The following FGF13 variants were observed in gnomAD, a reference collection of about 807,000 sequenced individuals.
FGF13 encodes the protein fibroblast growth factor homologous factor 2.
In FGF13, 2 loss-of-function variants were observed where a neutral mutation model predicts 19.5. The ratio of observed to expected loss-of-function variants is 0.10; its 90% CI spans 0.04 to 0.32. FGF13 has a LOEUF of 0.32. Ranked by LOEUF, FGF13 falls within the 10% of genes least tolerant of loss-of-function variation. The pLI is 1.00. For missense variants in FGF13, 113 were observed against 192.7 expected (o/e 0.59, Z 2.45); for synonymous variants, 72 against 76.9 (o/e 0.94, Z 0.33).
intron 3 of FGF13, among the ~76,000 whole-genome samples, chrX:138,842,974 A>C (rs1205733242): frequency 8.9e-6 from 1 of 111,948 alleles, no homozygotes; most frequent in African/African-American, 3.2e-5. Context: ...TTCTCATGAT[A>C]ATTTGGTGTA....
intron 3 of FGF13, among the ~76,000 whole-genome samples, chrX:138,797,273 C>G (rs185081381): frequency 0.014 from 1,602 of 111,208 alleles, 34 homozygotes; most frequent in African/African-American, 0.05. Context: ...TTTCTGGATA[C>G]GGCTAGCCAG....
chrX:139,131,765 T>C (rs1352634090), intron 1 of FGF13, among the ~76,000 whole-genome samples: 1 of 111,489 alleles, frequency 9.0e-6, no homozygotes, highest in Admixed American at 9.5e-5. Flanking sequence ...AGATCAACGT[T>C]GCTCTAGAAG....
intron 1 of FGF13, among the ~76,000 whole-genome samples, chrX:139,146,252 A>T (rs1415364942): frequency 7.1e-5 from 8 of 112,260 alleles, no homozygotes; most frequent in African/African-American, 2.3e-4. Flanking sequence ...GAATCTACAA[A>T]GAACTTAAAC....
intron 1 of FGF13, among the ~76,000 whole-genome samples, chrX:139,129,503 A>AT (rs1026919934): frequency 2.0e-4 from 22 of 110,907 alleles, no homozygotes; most frequent in African/African-American, 7.2e-4. Flanking sequence ...AGGAAGAGGC[A>AT]TTTTTTGTAA....
intron 3 of FGF13, among the ~76,000 whole-genome samples, chrX:138,811,978 T>G (rs1192062525): frequency 2.7e-5 from 3 of 110,357 alleles, no homozygotes; most frequent in Non-Finnish European, 5.7e-5. Context: ...GTTTTTAATG[T>G]GTTGACAAGG....
At chrX:138,828,469 C>G (rs2091049284) in intron 3 of FGF13, among the ~76,000 whole-genome samples, 1 of 108,646 alleles carries the variant, frequency 9.2e-6, no homozygotes, top group South Asian at 4.1e-4. Flanking sequence ...ACTCGAGAGG[C>G]TGAGGCGGGA....
At chrX:138,989,460 A>G (rs1279691004) in intron 1 of FGF13, among the ~76,000 whole-genome samples, 1 of 112,084 alleles carries the variant, frequency 8.9e-6, no homozygotes, top group East Asian at 2.8e-4. Flanking sequence ...AACTATTGTT[A>G]CTAATTTTTC....
At chrX:139,120,973 C>T (rs138465600) in intron 1 of FGF13, among the ~76,000 whole-genome samples, 86 of 112,486 alleles carry the variant, frequency 7.6e-4, no homozygotes, top group African/African-American at 2.5e-3. Context: ...ACCTCACTCG[C>T]GAATAATTTC....
chrX:138,653,949 G>A (rs538047012), intron 3 of FGF13, among the ~76,000 whole-genome samples: 4 of 111,849 alleles, frequency 3.6e-5, no homozygotes, highest in East Asian at 2.8e-4. Flanking sequence ...GGCAAATAGC[G>A]TCCCAGATTG....
intron 1 of FGF13, among the ~76,000 whole-genome samples, chrX:139,135,068 A>G (rs770021486): frequency 1.9e-4 from 21 of 112,467 alleles, no homozygotes; most frequent in Non-Finnish European, 3.2e-4. Flanking sequence ...TTCTTTTTAA[A>G]TTGTTAATTC....
At chrX:139,170,764 C>G (rs1201749122) in intron 1 of FGF13, among the ~76,000 whole-genome samples, 3 of 111,679 alleles carry the variant, frequency 2.7e-5, no homozygotes, top group Non-Finnish European at 5.6e-5. Flanking sequence ...CACTGCCTAG[C>G]TAATTCTCTG....
intron 1 of FGF13, among the ~76,000 whole-genome samples, chrX:139,070,908 G>A (rs1394886854): frequency 1.8e-5 from 2 of 111,053 alleles, no homozygotes; most frequent in Non-Finnish European, 3.8e-5. Flanking sequence ...AACACCACAT[G>A]TTCTCACTCA....
intron 1 of FGF13, among the ~76,000 whole-genome samples, chrX:138,953,142 G>A (rs766533393): frequency 0.028 from 3,048 of 110,358 alleles, 120 homozygotes; most frequent in African/African-American, 0.095. Context: ...TGTTTATTGC[G>A]GCACTATTCA....
rs2089039479 is a variant in FGF13 at position 138,624,394 on chromosome X, T to TTTA, written c.*8453_*8455dup. 8.9e-6 allele frequency: 1 copy of TTTA among 111,933 alleles called. No individual in the cohort carries two copies. The highest frequency in any genetic ancestry group is 1.9e-5 in the Non-Finnish European group (1 of 53,253). The allele number at this position is 111,933 out of a possible 1,213,427, so 9.2% of individuals were successfully genotyped here. A position where few individuals can be genotyped will look rare whatever the true frequency, so the allele number is the denominator to read the frequency against. ...AAATACAAAATAATGAAATTGGACC[T>TTTA]TTATCCTATACCATACACAAAAATC... On this transcript the variant is annotated 3_prime_UTR_variant, in exon 5 of 5. Transcript: ENST00000315930.
chrX:139,046,089 A>G (rs2092286342), intron 1 of FGF13, among the ~76,000 whole-genome samples: 1 of 111,773 alleles, frequency 8.9e-6, no homozygotes, highest in African/African-American at 3.3e-5. Context: ...TAATTGGCTC[A>G]TGGTTCTGCA....
intron 1 of FGF13, among the ~76,000 whole-genome samples, chrX:139,171,647 AT>A (rs1235470017): frequency 8.9e-6 from 1 of 112,316 alleles, no homozygotes; most frequent in Non-Finnish European, 1.9e-5. Context: ...AATCAATTTA[AT>A]TTCTAAATTG....
At chrX:139,193,631 G>C (rs1435631099) in intron 1 of FGF13, among the ~76,000 whole-genome samples, 1 of 111,299 alleles carries the variant, frequency 9.0e-6, no homozygotes, top group East Asian at 2.8e-4. Context: ...GCTTGGACTT[G>C]AAGCATCATA....
chrX:138,749,452 A>C (rs1252533243), intron 3 of FGF13, among the ~76,000 whole-genome samples: 1 of 110,891 alleles, frequency 9.0e-6, no homozygotes, highest in Non-Finnish European at 1.9e-5. Flanking sequence ...GGGGGCGGGT[A>C]CCCATGCCTA....
rs368486736 is a variant in FGF13, at chrX:138,924,612, A to C, written c.-112-59962T>G. 1.2e-3 allele frequency among the ~76,000 whole-genome samples: 139 copies of C among 111,650 alleles called. 7 individuals are homozygous for C. In the South Asian group the frequency reaches 0.053, roughly 42 times the overall value. On this transcript the variant is annotated intron_variant, in intron 1 of 2. Coordinates refer to the FGF13 transcript ENST00000421460. ...TTGGTCACAGCTTCCCATATACTTC[A>C]ATTCTAGCCAGTCTTTATAGAGCAC...
Sources: gnomAD v4.1 joint callset for allele counts (sites outside exome capture counted in the v4.1 genomes callset) on GRCh38, gnomAD v4.1.1 for gene constraint, MANE v1.5 for transcripts, NCBI Gene and HGNC (gene_info 2026-07-23, HGNC 2026-07-21) for gene names.